The following KIF16B variants were observed in gnomAD, a reference collection of about 807,000 sequenced individuals.
KIF16B encodes kinesin-like protein KIF16B.
A neutral mutation model predicts 156.3 loss-of-function variants in KIF16B; 98 were observed. The ratio of observed to expected loss-of-function variants is 0.63; its 90% CI spans 0.53 to 0.74. KIF16B has a LOEUF of 0.74. Ranked by LOEUF, KIF16B falls within the 30% of genes least tolerant of loss-of-function variation. The pLI is 0.00. For synonymous variants in KIF16B, 564 were observed against 583.7 expected (o/e 0.97, Z 0.49); for missense variants, 1,421 against 1,606.5 (o/e 0.88, Z 1.97).
chr20:16,294,493 G>A (rs1375877869), intron 25 of KIF16B, among the ~76,000 whole-genome samples: 2 of 152,220 alleles, frequency 1.3e-5, no homozygotes, highest in Non-Finnish European at 2.9e-5. Flanking sequence ...GAGACACAGA[G>A]CACGTGCTTC....
chr20:16,285,779 C>T (rs1220973638), intron 25 of KIF16B, among the ~76,000 whole-genome samples: 1 of 152,164 alleles, frequency 6.6e-6, no homozygotes, highest in Non-Finnish European at 1.5e-5. Flanking sequence ...GATCATGCCA[C>T]TGCACTCCAG....
At chr20:16,490,720 T>C (rs1342467145) in intron 12 of KIF16B, among the ~76,000 whole-genome samples, 8 of 152,188 alleles carry the variant, frequency 5.3e-5, no homozygotes, top group Admixed American at 5.2e-4. Flanking sequence ...GATCTTGGAC[T>C]TCCAGCCTCC....
At position 16,448,640 on chromosome 20, in the gene KIF16B, C is replaced by T. The variant is rs568153533; in HGVS notation, c.1303-18658G>A. On this transcript the variant is annotated intron_variant, in intron 12 of 25. Coordinates refer to ENST00000354981, the MANE Select transcript of KIF16B (RefSeq NM_024704.5). The stretch of plus-strand genomic sequence containing the variant: ...AATAATACCAACAAACATCAACCAA[C>T]ATCAATGACCATAAACAGCAAGCAA... Among the ~76,000 whole-genome samples, 3 of 152,294 alleles carry T rather than the reference C, an allele frequency of 2.0e-5. No individual in the cohort carries two copies. The South Asian group carries it at 6.2e-4, about 32-fold the overall frequency.
At chr20:16,566,104 A>G (rs890983179) in intron 1 of KIF16B, among the ~76,000 whole-genome samples, 1 of 152,272 alleles carries the variant, frequency 6.6e-6, no homozygotes, top group Admixed American at 6.5e-5. Flanking sequence ...CATACGTTTC[A>G]TAAGCATACA....
At chr20:16,509,916 C>T (rs191461415) in intron 6 of KIF16B, among the ~76,000 whole-genome samples, 35 of 152,100 alleles carry the variant, frequency 2.3e-4, no homozygotes, top group East Asian at 1.4e-3. Context: ...TCCAGGTTTC[C>T]GGGAAAAAAA....
intron 1 of KIF16B, 143 bp downstream of exon 1, chr20:16,573,086 C>T (rs891758178): frequency 8.1e-6 from 6 of 737,814 alleles, no homozygotes; most frequent in Admixed American, 7.7e-5. Context: ...CCTCCAGGCC[C>T]CCAGAGGCCA....
chr20:16,434,762 G>C (rs1371157176), intron 12 of KIF16B, among the ~76,000 whole-genome samples: 1 of 152,096 alleles, frequency 6.6e-6, no homozygotes. Context: ...AGAATGAAAT[G>C]TCAGGATCTT....
At chr20:16,532,791 G>C (rs760348498) in intron 1 of KIF16B, among the ~76,000 whole-genome samples, 2 of 152,150 alleles carry the variant, frequency 1.3e-5, no homozygotes, top group Non-Finnish European at 2.9e-5. Flanking sequence ...AAGTGATCGT[G>C]GTAATGCTCA....
chr20:16,503,763 C>G (rs929484119), intron 10 of KIF16B, among the ~76,000 whole-genome samples: 1 of 152,096 alleles, frequency 6.6e-6, no homozygotes, highest in East Asian at 1.9e-4. Context: ...GTACATACAC[C>G]ATGCAGACTA....
chr20:16,495,719 T>C (rs2068431879), intron 11 of KIF16B, among the ~76,000 whole-genome samples: 2 of 152,164 alleles, frequency 1.3e-5, no homozygotes, highest in African/African-American at 4.8e-5. Context: ...AGATGGGGTC[T>C]CACACTGTTG....
chr20:16,555,086 C>T (rs2070799405), intron 1 of KIF16B, among the ~76,000 whole-genome samples: 1 of 152,216 alleles, frequency 6.6e-6, no homozygotes, highest in Non-Finnish European at 1.5e-5. Context: ...GGCAAAGGTG[C>T]CACTGGCCAC....
At chr20:16,413,373 C>T (rs922677009) in intron 15 of KIF16B, among the ~76,000 whole-genome samples, 1 of 152,000 alleles carries the variant, frequency 6.6e-6, no homozygotes, top group Admixed American at 6.6e-5. Flanking sequence ...AATCTGCAAA[C>T]GTTTCTAGTG....
chr20:16,497,512 A>G, intron 11 of KIF16B, 101 bp downstream of exon 11: 3 of 887,608 alleles, frequency 3.4e-6, no homozygotes, highest in Non-Finnish European at 5.5e-6. Context: ...AAGTGCAATA[A>G]AGAAAAAGAA....
intron 15 of KIF16B, among the ~76,000 whole-genome samples, chr20:16,421,481 A>G (rs1348068003): frequency 6.6e-6 from 1 of 152,184 alleles, no homozygotes; most frequent in Non-Finnish European, 1.5e-5. Flanking sequence ...TTTCATAACC[A>G]GAAACACTAC....
intron 1 of KIF16B, among the ~76,000 whole-genome samples, chr20:16,551,227 T>C (rs1304870211): frequency 1.3e-5 from 2 of 151,374 alleles, no homozygotes; most frequent in African/African-American, 4.8e-5. Flanking sequence ...CGCCTCCTGG[T>C]TCAAGCAATT....
intron 15 of KIF16B, among the ~76,000 whole-genome samples, chr20:16,410,402 C>T (rs1949406591): frequency 6.6e-6 from 1 of 150,900 alleles, no homozygotes; most frequent in South Asian, 2.1e-4. Context: ...TTGACTATCC[C>T]TTAGCCAAAA....
chr20:16,301,654 C>T (rs565491479), intron 25 of KIF16B, among the ~76,000 whole-genome samples: 115 of 151,950 alleles, frequency 7.6e-4, no homozygotes, highest in Middle Eastern at 3.4e-3. Flanking sequence ...AAGTCTTTTG[C>T]CCATTTTTTT....
intron 25 of KIF16B, 104 bp from the exon 26 acceptor site, chr20:16,273,515 A>C (rs2063013309): frequency 1.2e-6 from 1 of 841,824 alleles, no homozygotes; most frequent in Non-Finnish European, 1.9e-6. Context: ...ACATGGAGAA[A>C]CCTCATCTCT....
intron 24 of KIF16B, among the ~76,000 whole-genome samples, chr20:16,312,954 A>G (rs1407465270): frequency 2.6e-5 from 4 of 151,908 alleles, no homozygotes; most frequent in African/African-American, 9.7e-5. Context: ...ATGTGAAAAG[A>G]GGACTTCTCT....
Sources: gnomAD v4.1 joint callset for allele counts (sites outside exome capture counted in the v4.1 genomes callset) on GRCh38, gnomAD v4.1.1 for gene constraint, MANE v1.5 for transcripts, NCBI Gene and HGNC (gene_info 2026-07-23, HGNC 2026-07-21) for gene names.